Variants in FBXO10 observed in about 807,000 individuals in gnomAD.
The protein encoded by FBXO10 is F-box protein 10, also known as F-box only protein 10.
A neutral mutation model predicts 80.7 loss-of-function variants in FBXO10; 39 were observed. The ratio of observed to expected loss-of-function variants is 0.48; its 90% confidence interval spans 0.37 to 0.63. The LOEUF is 0.63. Among genes scored for constraint, FBXO10 ranks in the 30% least tolerant of loss-of-function variants. The probability of loss-of-function intolerance (pLI) is 0.00; values close to 1 mark genes in which losing one functional copy is unlikely to be tolerated. For synonymous variants in FBXO10, 449 were observed against 489.6 expected, an observed-to-expected ratio of 0.92 and a Z score of 1.09; for missense variants, 1,025 against 1,269.0, an observed-to-expected ratio of 0.81 and a Z score of 2.92.
intron 1 of FBXO10, among the ~76,000 whole-genome samples, chr9:37,559,396 T>C (rs1325798174): frequency 6.6e-6 from 1 of 152,196 alleles, no homozygotes; most frequent in African/African-American, 2.4e-5. Flanking sequence ...AGACCAATCA[T>C]TTCAAAGCCA....
chr9:37,549,259 T>C (rs1335839067), intron 1 of FBXO10, among the ~76,000 whole-genome samples: 2 of 152,066 alleles, frequency 1.3e-5, no homozygotes, highest in Non-Finnish European at 2.9e-5. Context: ...CCCTCAGAAA[T>C]TAAGTGCCTC....
chr9:37,570,481 C>G (rs904473371), intron 1 of FBXO10, among the ~76,000 whole-genome samples: 9 of 151,718 alleles, frequency 5.9e-5, no homozygotes, highest in African/African-American at 2.2e-4. Context: ...AGAAAAAGAA[C>G]AAAATAAATC....
rs375360643 is a variant in FBXO10 at position 37,570,756 on chromosome 9, A to C, written c.-7+5455T>G. ...ACGCCTGTAATCCCAGCACTTTGGG[A>C]GGCTGAGGCAGGTGAATCACGAGGT... On this transcript the variant is annotated intron_variant, in intron 1 of 10. Transcript: ENST00000432825. Among the ~76,000 whole-genome samples the C allele has an allele frequency of 3.5e-3, 527 of 152,320 alleles. 4 individuals are homozygous for C. The highest frequency in any genetic ancestry group is 0.012 in the African/African-American group (495 of 41,574).
chr9:37,514,398 G>T (rs769368203), intron 10 of FBXO10, among the ~76,000 whole-genome samples: 1 of 152,128 alleles, frequency 6.6e-6, no homozygotes, highest in Non-Finnish European at 1.5e-5. Flanking sequence ...GGATCCCAGG[G>T]AGTCCACAAT....
At chr9:37,524,097 G>A (rs1821409102) in intron 6 of FBXO10, among the ~76,000 whole-genome samples, 1 of 151,992 alleles carries the variant, frequency 6.6e-6, no homozygotes, top group African/African-American at 2.4e-5. Flanking sequence ...CCACACTCCA[G>A]TCCCACAAGC....
At chr9:37,575,824 C>T (rs888039136) in intron 1 of FBXO10, among the ~76,000 whole-genome samples, 1 of 152,130 alleles carries the variant, frequency 6.6e-6, no homozygotes, top group Non-Finnish European at 1.5e-5. Flanking sequence ...CCATATTTGC[C>T]CCTGCGTTCC....
At chr9:37,575,863 T>C (rs1563895669) in intron 1 of FBXO10, among the ~76,000 whole-genome samples, 1 of 152,102 alleles carries the variant, frequency 6.6e-6, no homozygotes, top group Non-Finnish European at 1.5e-5. Context: ...ATCCCAAGAG[T>C]CAGCTTCTTC....
At position 37,547,141 on chromosome 9, in the gene FBXO10, A is replaced by G. The variant is rs112259442; in HGVS notation, c.-6-5367T>C. Among the ~76,000 whole-genome samples the G allele has an allele frequency of 9.8e-5, 15 of 152,386 alleles. 1 individual carries two copies. Among genetic ancestry groups the G allele is most frequent in the African/African-American group, 3.6e-4 (15 of 41,596 alleles). On this transcript the variant is annotated intron_variant, in intron 1 of 10. Transcript: ENST00000432825. ...AATGTTTACAGCAGCTGTATTCATA[A>G]TAGTAAAACAAACAAACAAACTGGA... is the stretch of plus-strand genomic sequence containing the variant.
At chr9:37,539,082 T>C (rs368497898) in intron 2 of FBXO10, among the ~76,000 whole-genome samples, 3 of 152,360 alleles carry the variant, frequency 2.0e-5, no homozygotes, top group East Asian at 3.9e-4. Context: ...TCAGATGTAT[T>C]TGAATCATCA....
In FBXO10 at chr9:37,541,349, C is replaced by A; in HGVS notation, c.420G>T (p.Val140=). The change falls in exon 2 of 11, where the codon GTG becomes GTT. Residue 140 remains valine (V), a synonymous_variant. Transcript: ENST00000432825. ...LYDRIVLFPG[V]YEEQGEIILK... The stretch of plus-strand genomic sequence containing the variant: ...AGATGATTTCACCTTGCTCTTCGTA[C>A]ACACCTGGGAAGAGCACAATTCGGT... 6.2e-7 allele frequency: 1 copy of A among 1,614,012 alleles called. No homozygotes were observed. The highest frequency in any genetic ancestry group is 8.5e-7 in the Non-Finnish European group (1 of 1,179,868).
chr9:37,518,913 C>T (rs115949692), intron 8 of FBXO10, among the ~76,000 whole-genome samples: 24 of 141,318 alleles, frequency 1.7e-4, no homozygotes, highest in Middle Eastern at 3.6e-3. Flanking sequence ...GGGAAATTTT[C>T]TTTTTTTTTT....
Position 37,541,262 on chromosome 9 carries a change from G to A in FBXO10, c.507C>T (p.Ser169=). 6.2e-7 allele frequency: 1 copy of A among 1,613,956 alleles called. No individual in the cohort carries two copies. The highest frequency in any genetic ancestry group is 8.5e-7 in the Non-Finnish European group (1 of 1,179,868). The change falls in exon 2 of 11, where the codon AGC becomes AGT. Residue 169 remains serine, a synonymous_variant. Transcript: ENST00000432825. ...GTGTGGTTGAGCAGTGCTGATCAAT[G>A]CTGGCCAGCAGGGCCACTTCACCCA... The part of the protein sequence containing the change: ...GKLGEVALLA[S]IDQHCSTTRL...
chr9:37,553,261 G>A (rs12335392), intron 1 of FBXO10, among the ~76,000 whole-genome samples: 3,210 of 151,976 alleles, frequency 0.021, 60 homozygotes, highest in African/African-American at 0.045. Flanking sequence ...AGATGGTCTC[G>A]ATCTCTTGAC....
chr9:37,546,008 T>C (rs1309479626), intron 1 of FBXO10, among the ~76,000 whole-genome samples: 1 of 152,040 alleles, frequency 6.6e-6, no homozygotes, highest in East Asian at 1.9e-4. Context: ...TAGCCAGGCA[T>C]GGTGGTGCAC....
chr9:37,551,833 T>C (rs1404681436), intron 1 of FBXO10, among the ~76,000 whole-genome samples: 2 of 152,252 alleles, frequency 1.3e-5, no homozygotes, highest in African/African-American at 4.8e-5. Context: ...TTATAAATTG[T>C]CTTTAAATCC....
intron 5 of FBXO10, among the ~76,000 whole-genome samples, chr9:37,528,293 C>A (rs10973396): frequency 0.15 from 22,427 of 152,214 alleles, 2,037 homozygotes; most frequent in East Asian, 0.25. Context: ...GCAAGGACGT[C>A]AAGGGTCACA....
chr9:37,571,714 CATATAT>C (rs71494672), intron 1 of FBXO10, among the ~76,000 whole-genome samples: 15,717 of 93,066 alleles, frequency 0.17, 1,926 homozygotes, highest in East Asian at 0.63. Flanking sequence ...AAAAGAGAGC[CATATAT>C]ATATATATAT....
chr9:37,526,821 TTTTATTTATTTATTTATTTATTTATTTA>T (rs57803639), intron 5 of FBXO10, among the ~76,000 whole-genome samples: 1 of 139,750 alleles, frequency 7.2e-6, no homozygotes, highest in African/African-American at 2.6e-5. Flanking sequence ...TTTTAAAATA[TTTTATTTATTTATTTATTTATTTATTTA>T]TTTATTTATT....
intron 6 of FBXO10, among the ~76,000 whole-genome samples, chr9:37,523,508 G>A (rs993552737): frequency 1.5e-4 from 23 of 152,124 alleles, no homozygotes; most frequent in Admixed American, 6.5e-4. Flanking sequence ...GGCTATAATC[G>A]AGCCACTGCA....
Sources: gnomAD v4.1 joint callset for allele counts (sites outside exome capture counted in the v4.1 genomes callset) on GRCh38, gnomAD v4.1.1 for gene constraint, MANE v1.5 for transcripts, NCBI Gene and HGNC (gene_info 2026-07-23, HGNC 2026-07-21) for gene names.